The following WRN variants were observed in gnomAD, a reference collection of about 807,000 sequenced individuals.
WRN encodes the protein bifunctional 3'-5' exonuclease/ATP-dependent helicase WRN.
In WRN, 149 loss-of-function variants were observed where a neutral mutation model predicts 180.7. The ratio of observed to expected loss-of-function variants is 0.82; its 90% confidence interval spans 0.72 to 0.94. The LOEUF is 0.94. Among genes scored for constraint, WRN ranks in the 40% least tolerant of loss-of-function variants. The pLI is 0.00. For missense variants in WRN, 1,661 were observed against 1,700.1 expected (o/e 0.98, Z 0.40); for synonymous variants, 548 against 568.9 (o/e 0.96, Z 0.52).
chr8:31,058,454 G>GA lies in WRN; in HGVS notation c.15dup (p.Leu6IlefsTer12), dbSNP rs878854133. 4.3e-6 allele frequency: 7 copies of GA among 1,612,324 alleles called. No individual in the cohort carries two copies. The highest frequency in any genetic ancestry group is 5.1e-6 in the Non-Finnish European group (6 of 1,179,050). On this transcript the variant is annotated frameshift_variant, in exon 2 of 35. Transcript: ENST00000298139. LOFTEE classifies it high-confidence loss of function. ...CAAATAGGACATTTCAAAGATGAGT[G>GA]AAAAAAAATTGGAAACAACTGCACA...
intron 20 of WRN, 47 bp downstream of exon 20, chr8:31,116,575 G>A (rs750562818): frequency 6.2e-7 from 1 of 1,607,036 alleles, no homozygotes; most frequent in South Asian, 1.1e-5. Context: ...TAGTGGAAGT[G>A]GATATTTCTC....
intron 27 of WRN, among the ~76,000 whole-genome samples, chr8:31,143,055 A>ACAC (rs1554533109): frequency 5.2e-5 from 1 of 19,062 alleles, no homozygotes. Context: ...ACACACACAC[A>ACAC]TTCTCTCTCT....
chr8:31,117,277 G>A (rs913134896), intron 20 of WRN, among the ~76,000 whole-genome samples: 6 of 152,222 alleles, frequency 3.9e-5, no homozygotes, highest in South Asian at 4.2e-4. Context: ...ACTCCCTGTT[G>A]GGGTCTTATA....
intron 1 of WRN, among the ~76,000 whole-genome samples, chr8:31,035,323 A>T (rs150811249): frequency 1.3e-5 from 2 of 152,078 alleles, no homozygotes; most frequent in African/African-American, 4.8e-5. Flanking sequence ...CAGTTTTACA[A>T]TAAGTGGTCA....
chr8:31,152,708 T>C (rs1803186479), intron 31 of WRN, among the ~76,000 whole-genome samples: 2 of 152,198 alleles, frequency 1.3e-5, no homozygotes, highest in African/African-American at 2.4e-5. Context: ...ATGCCTCAAC[T>C]TAATCTTTGT....
intron 7 of WRN, among the ~76,000 whole-genome samples, chr8:31,073,285 G>A (rs947494416): frequency 6.6e-6 from 1 of 152,210 alleles, no homozygotes; most frequent in Non-Finnish European, 1.5e-5. Context: ...GAGGTGATGA[G>A]AAGTCGTAGC....
At chr8:31,060,378 G>GT (rs942249493) in intron 3 of WRN, among the ~76,000 whole-genome samples, 3 of 152,082 alleles carry the variant, frequency 2.0e-5, no homozygotes, top group Non-Finnish European at 4.4e-5. Context: ...ACCAGCCATA[G>GT]TAAGACCCCC....
intron 3 of WRN, among the ~76,000 whole-genome samples, chr8:31,061,189 G>C (rs56790453): frequency 0.018 from 2,797 of 151,626 alleles, 69 homozygotes; most frequent in African/African-American, 0.065. Context: ...GCTTCATTTT[G>C]AATAGCTTGA....
intron 21 of WRN, among the ~76,000 whole-genome samples, chr8:31,122,063 A>G (rs952285414): frequency 3.3e-5 from 5 of 152,002 alleles, no homozygotes; most frequent in Non-Finnish European, 7.4e-5. Context: ...CAATAAATAC[A>G]ATTCTTGTTT....
At chr8:31,167,420 G>A (rs538556474) in intron 34 of WRN, among the ~76,000 whole-genome samples, 190 bp downstream of exon 34, 1 of 152,004 alleles carries the variant, frequency 6.6e-6, no homozygotes, top group East Asian at 1.9e-4. Context: ...GTAAAAGGGA[G>A]GTTTAGTCCA....
At chr8:31,063,157 TTAA>T (rs1812557245) in intron 3 of WRN, among the ~76,000 whole-genome samples, 1 of 152,202 alleles carries the variant, frequency 6.6e-6, no homozygotes, top group South Asian at 2.1e-4. Flanking sequence ...ATAATAGTAC[TTAA>T]TAATTTTATG....
intron 8 of WRN, among the ~76,000 whole-genome samples, chr8:31,078,124 CCCTTGA>C (rs1330867002): frequency 6.6e-6 from 1 of 152,140 alleles, no homozygotes; most frequent in Non-Finnish European, 1.5e-5. Context: ...TTCCCCTTGG[CCCTTGA>C]CTCTGATTTA....
chr8:31,067,566 T>G (rs952095085), intron 6 of WRN, among the ~76,000 whole-genome samples: 4 of 152,220 alleles, frequency 2.6e-5, no homozygotes, highest in Non-Finnish European at 4.4e-5. Flanking sequence ...GTACAGTTTC[T>G]ATTTTAAAAC....
intron 33 of WRN, among the ~76,000 whole-genome samples, chr8:31,157,823 G>A (rs1282976919): frequency 6.6e-6 from 1 of 152,074 alleles, no homozygotes; most frequent in African/African-American, 2.4e-5. Context: ...TATCTCCCAG[G>A]TTCAAGTGAT....
intron 1 of WRN, among the ~76,000 whole-genome samples, chr8:31,040,837 C>CT (rs1335672312): frequency 6.6e-6 from 1 of 151,582 alleles, no homozygotes; most frequent in Non-Finnish European, 1.5e-5. Flanking sequence ...TTTTCTTCTT[C>CT]TTTTTTTTAG....
chr8:31,065,166 A>G (rs1812647253), intron 5 of WRN, 103 bp downstream of exon 5: 6 of 1,232,676 alleles, frequency 4.9e-6, no homozygotes, highest in Non-Finnish European at 6.8e-6. Flanking sequence ...AAAGCTTGTT[A>G]TATAATGTTT....
intron 1 of WRN, among the ~76,000 whole-genome samples, chr8:31,055,795 C>T (rs146328033): frequency 5.9e-5 from 9 of 152,216 alleles, no homozygotes; most frequent in South Asian, 2.1e-4. Flanking sequence ...ACATGCTCAA[C>T]GACATAGCGA....
rs919446000 is a variant in WRN at position 31,174,236 on chromosome 8, G to T, written c.*1134G>T. Among the ~76,000 whole-genome samples the T allele has an allele frequency of 9.9e-5, 15 of 152,186 alleles. No individual in the cohort carries two copies. The highest frequency in any genetic ancestry group is 1.5e-4 in the Non-Finnish European group (10 of 68,024). ...TGTGATATGTTGTTGTCCAGCCATG[G>T]CTTCTGCATTTGCATGCTTTTGTGT... On this transcript the variant is annotated 3_prime_UTR_variant, in exon 35 of 35. Coordinates refer to ENST00000298139, the MANE Select transcript of WRN (RefSeq NM_000553.6).
At chr8:31,071,326 A>G (rs1400794531) in intron 7 of WRN, among the ~76,000 whole-genome samples, 3 of 152,134 alleles carry the variant, frequency 2.0e-5, no homozygotes, top group Non-Finnish European at 4.4e-5. Flanking sequence ...TTAAAAAAAT[A>G]AGAACTTGGG....
Sources: gnomAD v4.1 joint callset for allele counts (sites outside exome capture counted in the v4.1 genomes callset) on GRCh38, gnomAD v4.1.1 for gene constraint, MANE v1.5 for transcripts, NCBI Gene and HGNC (gene_info 2026-07-23, HGNC 2026-07-21) for gene names.